Variants in SESN1 observed in about 807,000 individuals in gnomAD.
The protein encoded by SESN1 is sestrin 1.
Under a neutral mutation model 59.3 loss-of-function variants are expected in SESN1, and 30 were observed. That is an observed-to-expected ratio of 0.51 (90% CI 0.38 to 0.69). SESN1 has a LOEUF of 0.69. SESN1 is among the 30% of genes least tolerant of loss of function. The probability of loss-of-function intolerance (pLI) is 0.00; values close to 1 mark genes in which losing one functional copy is unlikely to be tolerated. For missense variants in SESN1, 566 were observed against 673.0 expected (o/e 0.84, Z 1.76); for synonymous variants, 197 against 219.9 (o/e 0.90, Z 0.92).
chr6:108,996,185 A>G (rs12201102), intron 5 of SESN1, among the ~76,000 whole-genome samples: 14,949 of 152,250 alleles, frequency 0.098, 890 homozygotes, highest in Middle Eastern at 0.19. Flanking sequence ...TTGCTGGAGA[A>G]TGACTCTCAG....
intron 1 of SESN1, among the ~76,000 whole-genome samples, chr6:109,019,952 G>T (rs1301647359): frequency 6.6e-6 from 1 of 152,132 alleles, no homozygotes; most frequent in East Asian, 1.9e-4. Context: ...TACATAAGTG[G>T]GTTTTAAAAA....
intron 1 of SESN1, chr6:109,009,044 C>A (rs1779798543): frequency 1.0e-6 from 1 of 980,866 alleles, no homozygotes. Flanking sequence ...GTCCAGACGA[C>A]AATGTTATTT....
intron 1 of SESN1, among the ~76,000 whole-genome samples, chr6:109,027,031 A>G (rs1409550886): frequency 6.6e-6 from 1 of 152,096 alleles, no homozygotes. Context: ...TTAGCTGGAC[A>G]TGGCACCACA....
At chr6:109,046,743 T>G (rs1347666859) in intron 1 of SESN1, among the ~76,000 whole-genome samples, 6 of 135,920 alleles carry the variant, frequency 4.4e-5, no homozygotes, top group African/African-American at 1.6e-4. Flanking sequence ...CCGCCCCATC[T>G]GGGTTGTGAG....
chr6:109,009,804 C>T (rs1217041021), intron 1 of SESN1, among the ~76,000 whole-genome samples: 1 of 152,094 alleles, frequency 6.6e-6, no homozygotes, highest in African/African-American at 2.4e-5. Flanking sequence ...GGTGAGCGTG[C>T]ACTGTCAGGA....
intron 8 of SESN1, among the ~76,000 whole-genome samples, chr6:108,990,235 T>TC (rs1489763140): frequency 6.6e-6 from 1 of 152,200 alleles, no homozygotes; most frequent in African/African-American, 2.4e-5. Flanking sequence ...CAAGTACTCC[T>TC]CAGAAGGAGC....
intron 1 of SESN1, among the ~76,000 whole-genome samples, chr6:109,077,863 C>A (rs1371304646): frequency 1.3e-5 from 2 of 152,076 alleles, no homozygotes; most frequent in Admixed American, 1.3e-4. Flanking sequence ...AAAATGCTTA[C>A]CACAATGCCA....
chr6:109,026,965 G>A (rs1224346549), intron 1 of SESN1, among the ~76,000 whole-genome samples: 3 of 151,700 alleles, frequency 2.0e-5, no homozygotes, highest in Non-Finnish European at 4.4e-5. Context: ...AGGCCTGGAG[G>A]TCAAGACCAG....
At chr6:109,060,796 C>T (rs1262912499) in intron 1 of SESN1, among the ~76,000 whole-genome samples, 1 of 152,132 alleles carries the variant, frequency 6.6e-6, no homozygotes. Flanking sequence ...TGGAATGTAG[C>T]AATTGTTCTC....
At chr6:109,035,016 T>A (rs564703859) in intron 1 of SESN1, among the ~76,000 whole-genome samples, 7 of 152,332 alleles carry the variant, frequency 4.6e-5, no homozygotes, top group African/African-American at 1.7e-4. Context: ...ATTTCACTTA[T>A]TTTCTTAATA....
chr6:109,067,549 T>TA (rs1477421810), intron 1 of SESN1, among the ~76,000 whole-genome samples: 1 of 152,234 alleles, frequency 6.6e-6, no homozygotes, highest in African/African-American at 2.4e-5. Context: ...TTCCTATGGC[T>TA]ATAGCTTTGT....
intron 1 of SESN1, among the ~76,000 whole-genome samples, chr6:109,081,384 A>G (rs1433481308): frequency 6.6e-6 from 1 of 152,226 alleles, no homozygotes; most frequent in Non-Finnish European, 1.5e-5. Flanking sequence ...AGCATTTTGG[A>G]TAAGACATAT....
intron 1 of SESN1, among the ~76,000 whole-genome samples, chr6:109,052,517 G>C (rs1181733733): frequency 6.6e-6 from 1 of 152,052 alleles, no homozygotes; most frequent in Non-Finnish European, 1.5e-5. Context: ...ACTTAAAATA[G>C]TTTATCTAGA....
intron 1 of SESN1, among the ~76,000 whole-genome samples, chr6:109,013,099 GGA>G (rs201290211): frequency 5.7e-5 from 7 of 122,004 alleles, no homozygotes; most frequent in Non-Finnish European, 5.8e-5. Context: ...CTGGCAACAG[GGA>G]AAAAAAAAAA....
intron 1 of SESN1, among the ~76,000 whole-genome samples, chr6:109,061,850 A>T (rs1780739548): frequency 6.6e-6 from 1 of 152,192 alleles, no homozygotes; most frequent in Non-Finnish European, 1.5e-5. Flanking sequence ...AGTTTTTACT[A>T]TGTGCCTAAT....
chr6:108,990,037 C>G (rs896958789), intron 8 of SESN1, among the ~76,000 whole-genome samples: 4 of 152,174 alleles, frequency 2.6e-5, no homozygotes, highest in African/African-American at 9.6e-5. Flanking sequence ...TGACCAGAGT[C>G]TCTGATAATA....
chr6:109,060,409 C>T (rs1780711991), intron 1 of SESN1, among the ~76,000 whole-genome samples: 1 of 152,166 alleles, frequency 6.6e-6, no homozygotes, highest in South Asian at 2.1e-4. Flanking sequence ...CAAGAGAGAT[C>T]TGACATGCTT....
Position 109,025,261 on chromosome 6 carries a change from G to A in SESN1, c.280-22918C>T, listed in dbSNP as rs558058685. 3.3e-5 allele frequency among the ~76,000 whole-genome samples: 5 copies of A among 152,038 alleles called. No individual in the cohort carries two copies. In the South Asian group the frequency reaches 6.2e-4, roughly 19 times the overall value. ...TCCCCTGAATATTCATAAACACAAG[G>A]TGGATCACACATAAGGAGGTGGGGG... On this transcript the variant is annotated intron_variant, in intron 1 of 9. Coordinates refer to ENST00000436639, the MANE Select transcript of SESN1 (RefSeq NM_014454.3).
At chr6:109,037,142 C>T (rs17070139) in intron 1 of SESN1, among the ~76,000 whole-genome samples, 1 of 152,062 alleles carries the variant, frequency 6.6e-6, no homozygotes, top group Admixed American at 6.5e-5. Context: ...GGCCATAAGT[C>T]CAGAAAAACA....
Sources: allele counts gnomAD v4.1 joint callset (sites outside exome capture counted in the v4.1 genomes callset), GRCh38; gene constraint gnomAD v4.1.1; transcripts MANE v1.5; gene names NCBI Gene and HGNC (gene_info 2026-07-23, HGNC 2026-07-21).